The following CTSS variants were observed in gnomAD, a reference collection of about 807,000 sequenced individuals.
CTSS encodes the protein cathepsin S.
Under a neutral mutation model 39.9 loss-of-function variants are expected in CTSS, and 15 were observed. The ratio of observed to expected loss-of-function variants is 0.38; its 90% CI spans 0.25 to 0.58. CTSS has a LOEUF of 0.58. CTSS is among the 20% of genes least tolerant of loss of function. The probability of loss-of-function intolerance (pLI) is 0.70; values close to 1 mark genes in which losing one functional copy is unlikely to be tolerated. For synonymous variants in CTSS, 126 were observed against 138.2 expected, an observed-to-expected ratio of 0.91 and a Z score of 0.62; for missense variants, 250 against 398.2, an observed-to-expected ratio of 0.63 and a Z score of 3.17.
chr1:150,753,455 T>C (rs907712860), intron 4 of CTSS, among the ~76,000 whole-genome samples: 1 of 152,226 alleles, frequency 6.6e-6, no homozygotes, highest in African/African-American at 2.4e-5. Flanking sequence ...TTTCTTCTCC[T>C]TCAACTTTGA....
chr1:150,751,839 T>C lies in CTSS; in HGVS notation c.569A>G (p.Gln190Arg), dbSNP rs1481604742. ...GATGCCCTTGTTATCAATGATGTAC[T>C]GGAAAGCCGTTGTCATGAAGCCACC... ...CNGGFMTTAFQYIIDNKGIDS... is the reference protein window; with the variant it reads ...CNGGFMTTAFRYIIDNKGIDS... The change falls in exon 5 of 8, where the codon CAG (glutamine) becomes CGG (arginine). Residue 190 changes from glutamine (Q) to arginine (R), a missense_variant. Coordinates refer to ENST00000368985, the MANE Select transcript of CTSS (RefSeq NM_004079.5). 6.2e-7 allele frequency: 1 copy of C among 1,614,238 alleles called. No individual in the cohort carries two copies. Among genetic ancestry groups the C allele is most frequent in the Non-Finnish European group, 8.5e-7 (1 of 1,180,038 alleles).
chr1:150,745,222 C>T (rs979762740), intron 7 of CTSS, among the ~76,000 whole-genome samples: 10 of 152,140 alleles, frequency 6.6e-5, no homozygotes, highest in Non-Finnish European at 2.9e-5. Flanking sequence ...TGCATTGTGT[C>T]CCCACAAAAT....
At chr1:150,753,250 C>T (rs1414197464) in intron 4 of CTSS, among the ~76,000 whole-genome samples, 1 of 152,170 alleles carries the variant, frequency 6.6e-6, no homozygotes, top group Non-Finnish European at 1.5e-5. Context: ...ACCCTGACCT[C>T]TATGGTGATA....
Position 150,750,253 on chromosome 1 carries a change from G to A in CTSS, c.628-82C>T, listed in dbSNP as rs1348512528. On this transcript the variant is annotated intron_variant, in intron 5 of 7. Coordinates refer to ENST00000368985, the MANE Select transcript of CTSS (RefSeq NM_004079.5). The stretch of plus-strand genomic sequence containing the variant: ...TGTATCCTAAGCCTGGATTTTAAAT[G>A]TCTCCCTTCCTTTCTTTAACTTTTT... 24 of 1,114,680 alleles carry A rather than the reference G, an allele frequency of 2.2e-5. No homozygotes were observed. The Admixed American group carries it at 5.6e-4, about 26-fold the overall frequency. The allele number at this position is 1,114,680 out of a possible 1,614,324, so 69.0% of individuals were successfully genotyped here. A position where few individuals can be genotyped will look rare whatever the true frequency, so the allele number is the denominator to read the frequency against.
chr1:150,760,647 G>A (rs1653235640), intron 2 of CTSS, among the ~76,000 whole-genome samples: 2 of 152,126 alleles, frequency 1.3e-5, no homozygotes, highest in Non-Finnish European at 2.9e-5. Flanking sequence ...GGGAGGTTGA[G>A]GTGGGAGGAT....
At chr1:150,758,720 T>C (rs992307672) in intron 2 of CTSS, among the ~76,000 whole-genome samples, 5 of 151,958 alleles carry the variant, frequency 3.3e-5, no homozygotes, top group African/African-American at 7.2e-5. Flanking sequence ...TGTTTGTTTG[T>C]TTGTTTGTTT....
intron 4 of CTSS, among the ~76,000 whole-genome samples, chr1:150,753,222 C>G (rs1653043775): frequency 6.6e-6 from 1 of 152,146 alleles, no homozygotes; most frequent in Non-Finnish European, 1.5e-5. Flanking sequence ...GCTCAGAATG[C>G]TTTGATTCCT....
At chr1:150,743,397 A>G (rs587599981) in intron 7 of CTSS, among the ~76,000 whole-genome samples, 1 of 150,724 alleles carries the variant, frequency 6.6e-6, no homozygotes, top group East Asian at 1.9e-4. Flanking sequence ...GACATGTATC[A>G]TTATACCACG....
intron 6 of CTSS, 170 bp from the exon 7 acceptor site, chr1:150,748,049 T>C (rs56228600): frequency 0.01 from 5,521 of 525,970 alleles, 68 homozygotes; most frequent in Non-Finnish European, 0.014. Flanking sequence ...CCCAGAAGTT[T>C]GGGAGGCCAA....
chr1:150,757,985 A>G lies in CTSS; in HGVS notation c.127-5T>C. 1 of 1,612,980 alleles carries G rather than the reference A, an allele frequency of 6.2e-7. No individual in the cohort carries two copies. The highest frequency in any genetic ancestry group is 8.5e-7 in the Non-Finnish European group (1 of 1,179,552). ...ACGTCGTACTGCTTCTTCATTCTAA[A>G]ACATAATGAAGAAGAACATAGTCAT... is the stretch of plus-strand genomic sequence containing the variant. On this transcript the variant is annotated splice_polypyrimidine_tract_variant and splice_region_variant and intron_variant, in intron 2 of 7. Coordinates refer to ENST00000368985, the MANE Select transcript of CTSS (RefSeq NM_004079.5).
At chr1:150,733,296 G>A in intron 7 of CTSS, 151 bp from the exon 8 acceptor site, 1 of 584,488 alleles carries the variant, frequency 1.7e-6, no homozygotes, top group Non-Finnish European at 3.0e-6. Flanking sequence ...TTTCTCCAGG[G>A]ATTTCAGGTA....
chr1:150,752,339 C>T (rs996803537), intron 4 of CTSS, among the ~76,000 whole-genome samples: 2 of 152,098 alleles, frequency 1.3e-5, no homozygotes, highest in Non-Finnish European at 2.9e-5. Flanking sequence ...AGATAGTTGC[C>T]TACAGTAATG....
intron 2 of CTSS, 151 bp downstream of exon 2, chr1:150,764,487 C>G (rs1158290714): frequency 1.0e-6 from 1 of 962,430 alleles, no homozygotes; most frequent in Non-Finnish European, 1.5e-6. Flanking sequence ...ATCCGCTCAC[C>G]TTGGCCTTCC....
At chr1:150,751,167 T>G (rs1183666694) in intron 5 of CTSS, among the ~76,000 whole-genome samples, 2 of 152,136 alleles carry the variant, frequency 1.3e-5, no homozygotes, top group Non-Finnish European at 2.9e-5. Context: ...ATGTGGTTAA[T>G]GATCTGAGAA....
At chr1:150,733,224 C>A (rs1207723642) in intron 7 of CTSS, 79 bp from the exon 8 acceptor site, 1 of 1,053,298 alleles carries the variant, frequency 9.5e-7, no homozygotes, top group East Asian at 2.5e-5. Context: ...CATTGTTTTT[C>A]TCCTATAAGT....
intron 2 of CTSS, among the ~76,000 whole-genome samples, chr1:150,762,499 A>G (rs1009376119): frequency 6.6e-6 from 1 of 152,214 alleles, no homozygotes; most frequent in Non-Finnish European, 1.5e-5. Flanking sequence ...TAACTCATAG[A>G]TTGGGAGAAA....
intron 2 of CTSS, among the ~76,000 whole-genome samples, chr1:150,764,324 G>A (rs28498299): frequency 0.064 from 9,694 of 151,990 alleles, 991 homozygotes; most frequent in African/African-American, 0.22. Context: ...TGCAACCTCC[G>A]CCTTCCCGGC....
At chr1:150,745,382 C>T (rs1652873043) in intron 7 of CTSS, among the ~76,000 whole-genome samples, 1 of 152,052 alleles carries the variant, frequency 6.6e-6, no homozygotes, top group African/African-American at 2.4e-5. Flanking sequence ...GAAAATTGGC[C>T]AGGCGCAGTG....
intron 4 of CTSS, among the ~76,000 whole-genome samples, chr1:150,754,410 G>A (rs755331967): frequency 4.7e-5 from 7 of 150,326 alleles, no homozygotes; most frequent in South Asian, 2.1e-4. Flanking sequence ...CACTACGCCC[G>A]GCCCTCCCTT....
Sources: gnomAD v4.1 joint callset for allele counts (sites outside exome capture counted in the v4.1 genomes callset) on GRCh38, gnomAD v4.1.1 for gene constraint, MANE v1.5 for transcripts, NCBI Gene and HGNC (gene_info 2026-07-23, HGNC 2026-07-21) for gene names.